Variants in SQSTM1 observed in about 807,000 individuals in gnomAD.
SQSTM1 encodes sequestosome 1.
A neutral mutation model predicts 45.1 loss-of-function variants in SQSTM1; 36 were observed. The observed-to-expected ratio is 0.80, with a 90% CI of 0.61 to 1.05. The LOEUF (loss-of-function observed/expected upper bound fraction) is 1.05, where lower values mean the gene tolerates loss of function less well. Ranked by LOEUF, SQSTM1 falls within the 50% of genes least tolerant of loss-of-function variation. SQSTM1 has a pLI of 0.00. For missense variants in SQSTM1, 617 were observed against 607.1 expected, an observed-to-expected ratio of 1.02 and a Z score of -0.17; for synonymous variants, 290 against 244.3, an observed-to-expected ratio of 1.19 and a Z score of -1.74.
At chr5:179,809,877 C>G (rs1757343495) in intron 1 of SQSTM1, among the ~76,000 whole-genome samples, 1 of 150,780 alleles carries the variant, frequency 6.6e-6, no homozygotes, top group Non-Finnish European at 1.5e-5. Flanking sequence ...CTCCTGACCT[C>G]AGGTGATCCA....
chr5:179,818,012 C>CAAAAAAAAAAA (rs528143529), upstream of SQSTM1, among the ~76,000 whole-genome samples: 6 of 29,188 alleles, frequency 2.1e-4, no homozygotes, highest in Non-Finnish European at 2.6e-4. Context: ...GAGACTGTCT[C>CAAAAAAAAAAA]AAAAAAAAAA....
upstream of SQSTM1, among the ~76,000 whole-genome samples, chr5:179,819,273 T>C (rs1472103466): frequency 6.6e-6 from 1 of 152,030 alleles, no homozygotes. Context: ...GAGCCGGGTG[T>C]CCACCCCAGC....
At chr5:179,812,307 G>T (rs1332391972) in intron 2 of SQSTM1, 1 of 152,266 alleles carries the variant, frequency 6.6e-6, no homozygotes, top group Non-Finnish European at 1.5e-5. Context: ...GAAGCGGGTC[G>T]TACTGCAGGC....
intron 7 of SQSTM1, among the ~76,000 whole-genome samples, chr5:179,834,632 C>CTT (rs1030478733): frequency 5.3e-5 from 8 of 151,916 alleles, no homozygotes; most frequent in Non-Finnish European, 1.0e-4. Flanking sequence ...AGCATGCTGC[C>CTT]TTCAAGCATC....
intron 1 of SQSTM1, chr5:179,821,661 G>T: frequency 5.1e-6 from 2 of 395,444 alleles, no homozygotes; most frequent in East Asian, 1.8e-4. Context: ...CGCCGCGACA[G>T]CGCCTGGGAG....
At position 179,823,810 on chromosome 5, in the gene SQSTM1, G is replaced by A. The variant is rs185981131; in HGVS notation, c.302-48G>A. 6.3e-6 allele frequency: 10 copies of A among 1,588,740 alleles called. No individual in the cohort carries two copies. The Admixed American group carries it at 8.3e-5, about 13-fold the overall frequency. ...GCCCCACAGTGACGACAGAGGGGGAGGACTTTAGGGGGTCCCACCCTAGCG... is the reference window on the plus strand; with the variant it reads ...GCCCCACAGTGACGACAGAGGGGGAAGACTTTAGGGGGTCCCACCCTAGCG... On this transcript the variant is annotated intron_variant, in intron 2 of 7. Transcript: ENST00000389805.
chr5:179,827,844 A>G (rs1758058104), intron 5 of SQSTM1, among the ~76,000 whole-genome samples: 1 of 152,208 alleles, frequency 6.6e-6, no homozygotes, highest in Non-Finnish European at 1.5e-5. Flanking sequence ...AGCAGGGCCC[A>G]AAGGGGAACG....
chr5:179,808,728 G>A (rs1050257488), intron 1 of SQSTM1, among the ~76,000 whole-genome samples: 1 of 152,116 alleles, frequency 6.6e-6, no homozygotes, highest in African/African-American at 2.4e-5. Flanking sequence ...TAAGGCAGGA[G>A]GATCATTTGA....
At chr5:179,810,504 C>A (rs1440784657) in intron 1 of SQSTM1, among the ~76,000 whole-genome samples, 1 of 152,206 alleles carries the variant, frequency 6.6e-6, no homozygotes, top group East Asian at 1.9e-4. Context: ...TTTTCTTAAT[C>A]CAGTCTATCA....
chr5:179,821,290 G>A (rs1002397582), intron 1 of SQSTM1, 149 bp downstream of exon 1: 46 of 837,086 alleles, frequency 5.5e-5, no homozygotes, highest in Admixed American at 1.4e-4. Flanking sequence ...TGGCCTGCAT[G>A]GGTCCCCAGT....
In SQSTM1 at chr5:179,836,984, A is replaced by AC; in HGVS notation, c.*393dup. ...TTTAGTTGATTATTTTCTGCTACAG[A>AC]CCTGGTACACTCTGATTTTAGATAA... On this transcript the variant is annotated 3_prime_UTR_variant, in exon 8 of 8. Coordinates refer to ENST00000389805, the MANE Select transcript of SQSTM1 (RefSeq NM_003900.5). The AC allele has an allele frequency of 4.9e-6, 3 of 610,986 alleles. No homozygotes were observed. The highest frequency in any genetic ancestry group is 8.7e-6 in the Non-Finnish European group (3 of 345,716). 37.8% of individuals were successfully genotyped at this position (610,986 alleles called of 1,614,324 possible).
In SQSTM1 at chr5:179,837,620, C is replaced by T; in HGVS notation, c.*1027C>T. The stretch of plus-strand genomic sequence containing the variant: ...GAGGCCTTCTCTTGAGGCCTGTGCT[C>T]TGGGGGTCCCTTGCTTAGCCTGTGC... On this transcript the variant is annotated 3_prime_UTR_variant, in exon 8 of 8. Transcript: ENST00000389805. 3 of 1,614,218 alleles carry T rather than the reference C, an allele frequency of 1.9e-6. No homozygotes were observed. The highest frequency in any genetic ancestry group is 1.6e-4 in the Middle Eastern group (1 of 6,062).
chr5:179,833,296 C>T (rs1454862586), intron 6 of SQSTM1, 50 bp downstream of exon 6: 2 of 1,502,380 alleles, frequency 1.3e-6, no homozygotes, highest in Non-Finnish European at 1.8e-6. Flanking sequence ...GCCTAGTGAT[C>T]TGTGGCCTGC....
chr5:179,826,617 T>G (rs1758001132), intron 5 of SQSTM1, among the ~76,000 whole-genome samples: 2 of 151,224 alleles, frequency 1.3e-5, no homozygotes, highest in African/African-American at 4.9e-5. Context: ...TTTTTTTCTT[T>G]GAGACAGACT....
upstream of SQSTM1, among the ~76,000 whole-genome samples, chr5:179,818,462 T>C (rs1181090705): frequency 6.6e-6 from 1 of 152,016 alleles, no homozygotes; most frequent in East Asian, 1.9e-4. Flanking sequence ...GAAGCGAACC[T>C]GGGAACACCA....
intron 4 of SQSTM1, 119 bp from the exon 5 acceptor site, chr5:179,825,026 CA>C (rs1757935972): frequency 1.0e-6 from 1 of 960,442 alleles, no homozygotes; most frequent in Non-Finnish European, 1.6e-6. Context: ...GGTCACTGGA[CA>C]AGATGTCCGG....
chr5:179,821,645 C>G, intron 1 of SQSTM1: 1 of 404,256 alleles, frequency 2.5e-6, no homozygotes, highest in South Asian at 1.7e-5. Context: ...GCGGGGGACT[C>G]GCGAGCGCCG....
rs921094902 is a variant in SQSTM1 at position 179,836,026 on chromosome 5, A to G, written c.1166-410A>G. On this transcript the variant is annotated intron_variant, in intron 7 of 7. Transcript: ENST00000389805. Reference sequence around the variant, plus strand: ...TACATTTCCAAGTCCTGTTCATTCTACCTCCAAAATGTATCTTGTATCCAT... The same window carrying G: ...TACATTTCCAAGTCCTGTTCATTCTGCCTCCAAAATGTATCTTGTATCCAT... 8 of 297,754 alleles carry G rather than the reference A, an allele frequency of 2.7e-5. No homozygotes were observed. The Admixed American group carries it at 2.7e-4, about 10-fold the overall frequency. 18.4% of individuals were successfully genotyped at this position (297,754 alleles called of 1,614,324 possible).
chr5:179,830,449 C>G (rs958476427), intron 5 of SQSTM1, among the ~76,000 whole-genome samples: 1 of 152,116 alleles, frequency 6.6e-6, no homozygotes, highest in Admixed American at 6.6e-5. Context: ...GGCTGGAGAG[C>G]AGTGGTACAG....
Sources: allele counts gnomAD v4.1 joint callset (sites outside exome capture counted in the v4.1 genomes callset), GRCh38; gene constraint gnomAD v4.1.1; transcripts MANE v1.5; gene names NCBI Gene and HGNC (gene_info 2026-07-23, HGNC 2026-07-21).